Variants in CDH9 observed in about 807,000 individuals in gnomAD.
The protein encoded by CDH9 is cadherin-9.
In CDH9, 28 loss-of-function variants were observed where a neutral mutation model predicts 70.9. The observed-to-expected ratio is 0.40, with a 90% CI of 0.29 to 0.54. The LOEUF (loss-of-function observed/expected upper bound fraction) is 0.54. CDH9 is among the 20% of genes least tolerant of loss of function. The probability of loss-of-function intolerance (pLI) is 0.59; values close to 1 mark genes in which losing one functional copy is unlikely to be tolerated. For missense variants in CDH9, 874 were observed against 984.4 expected (o/e 0.89, Z 1.50); for synonymous variants, 409 against 343.1 (o/e 1.19, Z -2.12).
At chr5:26,965,436 C>T (rs962273290) in intron 2 of CDH9, among the ~76,000 whole-genome samples, 6 of 151,728 alleles carry the variant, frequency 4.0e-5, no homozygotes, top group South Asian at 4.2e-4. Context: ...ATTAGTCAGG[C>T]GTGGTGGCGG....
chr5:27,016,566 A>G (rs145692566), intron 1 of CDH9, among the ~76,000 whole-genome samples: 5 of 151,974 alleles, frequency 3.3e-5, no homozygotes, highest in Non-Finnish European at 7.4e-5. Context: ...GAATCTGAGA[A>G]TTTAGTTCTG....
chr5:26,998,213 A>G (rs1400760119), intron 1 of CDH9, among the ~76,000 whole-genome samples: 3 of 152,132 alleles, frequency 2.0e-5, no homozygotes, highest in Non-Finnish European at 2.9e-5. Flanking sequence ...GGGTCTGTGA[A>G]CCTATGGAAA....
intron 1 of CDH9, among the ~76,000 whole-genome samples, chr5:27,033,934 G>T (rs570735563): frequency 6.6e-6 from 1 of 151,474 alleles, no homozygotes; most frequent in South Asian, 2.1e-4. Flanking sequence ...ATTACACTTT[G>T]TTATATGCAT....
At chr5:27,003,487 A>G (rs956989851) in intron 1 of CDH9, among the ~76,000 whole-genome samples, 8 of 152,112 alleles carry the variant, frequency 5.3e-5, no homozygotes, top group African/African-American at 1.9e-4. Flanking sequence ...AGCTACCTCA[A>G]GTCCAATATC....
At chr5:26,935,504 A>C (rs557823212) in intron 2 of CDH9, among the ~76,000 whole-genome samples, 68 of 152,324 alleles carry the variant, frequency 4.5e-4, no homozygotes, top group Non-Finnish European at 6.5e-4. Flanking sequence ...TATCCAAAAA[A>C]ACAAACTTCT....
chr5:27,030,525 T>G (rs535906040), intron 1 of CDH9, among the ~76,000 whole-genome samples: 248 of 145,664 alleles, frequency 1.7e-3, no homozygotes, highest in African/African-American at 6.0e-3. Context: ...GAAGCAGGGA[T>G]TAAAAAAAAA....
intron 2 of CDH9, among the ~76,000 whole-genome samples, chr5:26,920,150 T>A (rs1278174512): frequency 2.0e-5 from 3 of 151,914 alleles, no homozygotes; most frequent in Non-Finnish European, 2.9e-5. Context: ...GAAGCCCACT[T>A]CCCTGAAGGG....
At chr5:26,921,415 G>A (rs1486278060) in intron 2 of CDH9, among the ~76,000 whole-genome samples, 1 of 152,134 alleles carries the variant, frequency 6.6e-6, no homozygotes, top group Non-Finnish European at 1.5e-5. Context: ...TGCAGCCATT[G>A]GGTAGAATTT....
At chr5:26,985,304 A>G (rs1286135312) in intron 2 of CDH9, among the ~76,000 whole-genome samples, 1 of 152,084 alleles carries the variant, frequency 6.6e-6, no homozygotes, top group Non-Finnish European at 1.5e-5. Context: ...AAATCTTAGA[A>G]AAGACCAGAA....
At chr5:27,021,203 T>A (rs1743132389) in intron 1 of CDH9, among the ~76,000 whole-genome samples, 1 of 151,698 alleles carries the variant, frequency 6.6e-6, no homozygotes, top group Non-Finnish European at 1.5e-5. Flanking sequence ...TGTTAAGCAG[T>A]TTGGTTTTAT....
At chr5:26,921,410 C>T (rs1240656372) in intron 2 of CDH9, among the ~76,000 whole-genome samples, 2 of 152,094 alleles carry the variant, frequency 1.3e-5, no homozygotes, top group Non-Finnish European at 2.9e-5. Flanking sequence ...AGCAATGCAG[C>T]CATTGGGTAG....
At chr5:27,018,188 A>G (rs1743078621) in intron 1 of CDH9, among the ~76,000 whole-genome samples, 1 of 151,884 alleles carries the variant, frequency 6.6e-6, no homozygotes, top group Non-Finnish European at 1.5e-5. Context: ...TGGTAACCCC[A>G]AAATTGAAAA....
intron 7 of CDH9, among the ~76,000 whole-genome samples, chr5:26,896,346 G>C (rs1561186420): frequency 1.3e-5 from 2 of 151,816 alleles, no homozygotes; most frequent in Admixed American, 6.6e-5. Context: ...GAAATTATCA[G>C]ATATAGGGAG....
chr5:27,017,573 T>C (rs1031450467), intron 1 of CDH9, among the ~76,000 whole-genome samples: 13 of 152,088 alleles, frequency 8.5e-5, no homozygotes, highest in Middle Eastern at 3.4e-3. Flanking sequence ...CTTAGTTCTT[T>C]AGTGTTTGTG....
intron 2 of CDH9, among the ~76,000 whole-genome samples, chr5:26,967,172 T>A (rs575558925): frequency 6.6e-6 from 1 of 152,264 alleles, no homozygotes; most frequent in South Asian, 2.1e-4. Flanking sequence ...CAGGTTGGTC[T>A]TAAACTGCTA....
At position 26,915,768 on chromosome 5, in the gene CDH9, T is replaced by C; in HGVS notation, c.385A>G (p.Lys129Glu). Residue 129 changes from lysine (K) to glutamate (E), a missense_variant, in exon 3 of 12, where the codon AAG becomes GAG. Coordinates refer to ENST00000231021, the MANE Select transcript of CDH9 (RefSeq NM_016279.4). Reference protein sequence around the residue: ...EEKSLYILRAKAIDRKTGRQV... With the variant: ...EEKSLYILRAEAIDRKTGRQV... ...CGCCCAGTTTTTCTGTCTATAGCCT[T>C]GGCACGAAGAATGTACAGAGATTTT... The C allele has an allele frequency of 6.2e-7, 1 of 1,613,680 alleles. No homozygotes were observed. The highest frequency in any genetic ancestry group is 8.5e-7 in the Non-Finnish European group (1 of 1,179,642).
At chr5:26,958,904 C>T (rs1741989372) in intron 2 of CDH9, among the ~76,000 whole-genome samples, 1 of 152,034 alleles carries the variant, frequency 6.6e-6, no homozygotes, top group African/African-American at 2.4e-5. Context: ...AAATTCAAAA[C>T]TCTTAGGAGA....
At chr5:26,932,444 T>G (rs1579459292) in intron 2 of CDH9, among the ~76,000 whole-genome samples, 1 of 152,174 alleles carries the variant, frequency 6.6e-6, no homozygotes, top group East Asian at 1.9e-4. Flanking sequence ...GTCATCAAAA[T>G]TAAGATCTCA....
intron 1 of CDH9, among the ~76,000 whole-genome samples, chr5:26,999,884 T>C (rs1479258185): frequency 6.6e-6 from 1 of 152,122 alleles, no homozygotes; most frequent in Non-Finnish European, 1.5e-5. Flanking sequence ...TATTACAAAA[T>C]TTCTCGAAGA....
Sources: gnomAD v4.1 joint callset for allele counts (sites outside exome capture counted in the v4.1 genomes callset) on GRCh38, gnomAD v4.1.1 for gene constraint, MANE v1.5 for transcripts, NCBI Gene and HGNC (gene_info 2026-07-23, HGNC 2026-07-21) for gene names.